Variants in NUDCD1 observed in about 807,000 individuals in gnomAD.
NUDCD1 encodes the protein NudC domain containing 1, also known as nudC domain-containing protein 1.
NUDCD1 carries 60 observed loss-of-function variants against 67.8 expected under a neutral mutation model. That is an observed-to-expected ratio of 0.88 (90% confidence interval 0.72 to 1.10). The LOEUF (loss-of-function observed/expected upper bound fraction) is 1.10. Among genes scored for constraint, NUDCD1 ranks in the 50% least tolerant of loss-of-function variants. NUDCD1 has a pLI of 0.00. For missense variants in NUDCD1, 643 were observed against 695.0 expected (o/e 0.93, Z 0.84); for synonymous variants, 244 against 230.8 (o/e 1.06, Z -0.52).
intron 2 of NUDCD1, chr8:109,315,478 C>T (rs1815369101): frequency 6.6e-6 from 1 of 152,144 alleles, no homozygotes; most frequent in Non-Finnish European, 1.5e-5. Context: ...AACTTAGTCA[C>T]AAACCATTGT....
At chr8:109,262,689 C>T (rs955552308) in intron 8 of NUDCD1, among the ~76,000 whole-genome samples, 5 of 152,104 alleles carry the variant, frequency 3.3e-5, no homozygotes, top group African/African-American at 1.2e-4. Flanking sequence ...GCTGATCGAT[C>T]AGAACTAAGC....
At chr8:109,333,437 T>C (rs1815863022) in intron 1 of NUDCD1, among the ~76,000 whole-genome samples, 2 of 152,188 alleles carry the variant, frequency 1.3e-5, no homozygotes, top group Admixed American at 6.5e-5. Flanking sequence ...ATGACTGGAA[T>C]GTAGTTTCTC....
intron 8 of NUDCD1, among the ~76,000 whole-genome samples, chr8:109,267,999 G>T (rs1814043315): frequency 6.6e-6 from 1 of 152,150 alleles, no homozygotes; most frequent in African/African-American, 2.4e-5. Context: ...TTCTACTACT[G>T]ACTCTCGCTT....
intron 4 of NUDCD1, among the ~76,000 whole-genome samples, chr8:109,291,013 G>A (rs1419685810): frequency 6.6e-6 from 1 of 151,870 alleles, no homozygotes; most frequent in Non-Finnish European, 1.5e-5. Flanking sequence ...AGTCCTACTT[G>A]ACTTTAAAGA....
At chr8:109,266,466 G>A (rs1236243410) in intron 8 of NUDCD1, among the ~76,000 whole-genome samples, 2 of 142,112 alleles carry the variant, frequency 1.4e-5, no homozygotes, top group African/African-American at 5.3e-5. Context: ...GGATGGTCTC[G>A]ATTTCCTGAC....
chr8:109,314,306 C>T (rs376568143), intron 2 of NUDCD1, among the ~76,000 whole-genome samples: 4 of 152,150 alleles, frequency 2.6e-5, no homozygotes, highest in East Asian at 3.9e-4. Context: ...CATTGATGAA[C>T]GGAATACTTA....
Position 109,289,905 on chromosome 8 carries a change from A to G in NUDCD1, c.669T>C (p.Arg223=), listed in dbSNP as rs1814668696. 1.3e-6 allele frequency: 2 copies of G among 1,509,410 alleles called. No homozygotes were observed. Among genetic ancestry groups the G allele is most frequent in the South Asian group, 2.7e-5 (2 of 73,962 alleles). 93.5% of individuals were successfully genotyped at this position (1,509,410 alleles called of 1,614,324 possible). ...GCACTGACTTTCCACGGAGAATATC[A>G]CGCTTAATAATTTCATATTTTTTAT... The part of the protein sequence containing the change: ...QDNKKYEIIK[R]DILRGKSVPH... The change falls in exon 5 of 10, where the codon CGT becomes CGC. Residue 223 remains arginine (R), a synonymous_variant. Coordinates refer to ENST00000239690, the MANE Select transcript of NUDCD1 (RefSeq NM_032869.4).
chr8:109,307,946 C>CT (rs1815151817), intron 2 of NUDCD1, among the ~76,000 whole-genome samples: 1 of 152,096 alleles, frequency 6.6e-6, no homozygotes, highest in South Asian at 2.1e-4. Flanking sequence ...ATATATGCAC[C>CT]TAACACTGGA....
chr8:109,301,203 C>G (rs555191637), intron 2 of NUDCD1, among the ~76,000 whole-genome samples: 69 of 152,168 alleles, frequency 4.5e-4, no homozygotes, highest in Non-Finnish European at 7.1e-4. Context: ...TGACATTCCA[C>G]CACTGTGATT....
intron 1 of NUDCD1, chr8:109,329,950 G>A (rs191360905): frequency 3.0e-4 from 431 of 1,454,430 alleles, no homozygotes; most frequent in Non-Finnish European, 3.7e-4. Flanking sequence ...CTATGGCAAC[G>A]CATAATACAG....
intron 5 of NUDCD1, among the ~76,000 whole-genome samples, chr8:109,285,296 C>T (rs998306116): frequency 1.3e-5 from 2 of 152,060 alleles, no homozygotes; most frequent in Non-Finnish European, 1.5e-5. Context: ...AGGAGGAACT[C>T]CCTCCCTAAC....
intron 5 of NUDCD1, among the ~76,000 whole-genome samples, chr8:109,285,016 A>G (rs967649547): frequency 6.9e-6 from 1 of 145,598 alleles, no homozygotes; most frequent in African/African-American, 2.6e-5. Context: ...CAAAAAAAAA[A>G]CCCAGAGACT....
chr8:109,332,493 T>G (rs759728658), intron 1 of NUDCD1, among the ~76,000 whole-genome samples: 39 of 152,138 alleles, frequency 2.6e-4, no homozygotes, highest in Non-Finnish European at 1.2e-4. Context: ...GAAAGAATCT[T>G]AAACAAGCTT....
intron 1 of NUDCD1, among the ~76,000 whole-genome samples, chr8:109,327,378 C>T (rs1352509026): frequency 1.3e-5 from 2 of 152,144 alleles, no homozygotes; most frequent in Non-Finnish European, 2.9e-5. Context: ...GGTTACGTGG[C>T]TTTTCCCTCC....
chr8:109,328,806 A>G (rs1815739965), intron 1 of NUDCD1, among the ~76,000 whole-genome samples: 1 of 152,226 alleles, frequency 6.6e-6, no homozygotes, highest in Non-Finnish European at 1.5e-5. Context: ...TAAAAATACA[A>G]AAATAACCTG....
intron 8 of NUDCD1, among the ~76,000 whole-genome samples, chr8:109,259,789 T>C (rs1471290170): frequency 6.6e-6 from 1 of 152,226 alleles, no homozygotes; most frequent in East Asian, 1.9e-4. Flanking sequence ...TATCACCATC[T>C]GTTTTTTAAA....
Position 109,322,312 on chromosome 8 carries a change from C to T in NUDCD1, c.270G>A (p.Met90Ile). 6.7e-7 allele frequency: 1 copy of T among 1,497,482 alleles called. No homozygotes were observed. Among genetic ancestry groups the T allele is most frequent in the Admixed American group, 1.8e-5 (1 of 56,874 alleles). 92.8% of individuals were successfully genotyped at this position (1,497,482 alleles called of 1,614,324 possible). Residue 90 changes from methionine to isoleucine, a missense_variant, in exon 2 of 10, where the codon ATG becomes ATA. Coordinates refer to ENST00000239690, the MANE Select transcript of NUDCD1 (RefSeq NM_032869.4). The stretch of plus-strand genomic sequence containing the variant: ...ATTACATACATGTTTCTCTTACCAG[C>T]ATTACTGTTAAATTCATAATTCTTC... The part of the protein sequence containing the change: ...TLGRIMNLTV[M>I]LDTALGKPRE...
intron 4 of NUDCD1, among the ~76,000 whole-genome samples, chr8:109,292,265 C>CA (rs1563674237): frequency 6.6e-6 from 1 of 151,902 alleles, no homozygotes; most frequent in African/African-American, 2.4e-5. Flanking sequence ...ACTGGGATTT[C>CA]AAAAAAGTTT....
chr8:109,318,664 T>C (rs1815460532), intron 2 of NUDCD1, among the ~76,000 whole-genome samples: 1 of 152,332 alleles, frequency 6.6e-6, no homozygotes, highest in Admixed American at 6.5e-5. Flanking sequence ...CACTATCTGT[T>C]TTAGGAGTCA....
Sources: gnomAD v4.1 joint callset for allele counts (sites outside exome capture counted in the v4.1 genomes callset) on GRCh38, gnomAD v4.1.1 for gene constraint, MANE v1.5 for transcripts, NCBI Gene and HGNC (gene_info 2026-07-23, HGNC 2026-07-21) for gene names.